The following RASGRP1 variants were observed in gnomAD, a reference collection of about 807,000 sequenced individuals.
RASGRP1 encodes the protein RAS guanyl releasing protein 1, also known as RAS guanyl-releasing protein 1.
RASGRP1 carries 37 observed loss-of-function variants against 95.1 expected under a neutral mutation model. That is an observed-to-expected ratio of 0.39 (90% CI 0.30 to 0.51). The LOEUF (loss-of-function observed/expected upper bound fraction) is 0.51, where lower values mean the gene tolerates loss of function less well. RASGRP1 is among the 20% of genes least tolerant of loss of function. RASGRP1 has a pLI of 0.80. For synonymous variants in RASGRP1, 325 were observed against 353.4 expected, an observed-to-expected ratio of 0.92 and a Z score of 0.90; for missense variants, 711 against 965.4, an observed-to-expected ratio of 0.74 and a Z score of 3.49.
chr15:38,525,204 G>A (rs560149426), intron 3 of RASGRP1, among the ~76,000 whole-genome samples: 2 of 152,234 alleles, frequency 1.3e-5, no homozygotes, highest in African/African-American at 2.4e-5. Flanking sequence ...CTGACCTTAA[G>A]TGATCTGCCC....
In RASGRP1 at chr15:38,507,710, C is replaced by T. The variant is rs1170512921; in HGVS notation, c.1242+16G>A. 4 of 1,552,184 alleles carry T rather than the reference C, an allele frequency of 2.6e-6. No individual in the cohort carries two copies. Among genetic ancestry groups the T allele is most frequent in the Non-Finnish European group, 3.5e-6 (4 of 1,146,948 alleles). On this transcript the variant is annotated intron_variant, in intron 9 of 16. Transcript: ENST00000310803. ...ACAGAAAGTGCTTAGTAATTGTCCT[C>T]CAGTGTGAGCCTCACCGTCAGCAAG...
intron 2 of RASGRP1, among the ~76,000 whole-genome samples, chr15:38,555,915 C>T (rs1046108592): frequency 6.6e-6 from 1 of 152,006 alleles, no homozygotes; most frequent in African/African-American, 2.4e-5. Flanking sequence ...GTTTTCTTTC[C>T]GATGCTGTCA....
At chr15:38,550,403 T>G (rs1249751018) in intron 2 of RASGRP1, among the ~76,000 whole-genome samples, 1 of 152,146 alleles carries the variant, frequency 6.6e-6, no homozygotes, top group African/African-American at 2.4e-5. Flanking sequence ...TAATGGAAGT[T>G]TTGTGTTTCC....
chr15:38,503,128 T>A (rs1205377935), intron 11 of RASGRP1, 144 bp downstream of exon 11: 1 of 673,960 alleles, frequency 1.5e-6, no homozygotes, highest in African/African-American at 1.8e-5. Context: ...TTTGAATTGT[T>A]CTAAAGCCAC....
intron 2 of RASGRP1, among the ~76,000 whole-genome samples, chr15:38,532,608 C>A (rs1162766724): frequency 1.3e-5 from 2 of 152,316 alleles, no homozygotes; most frequent in Non-Finnish European, 2.9e-5. Context: ...GCATTATTCC[C>A]TCCTAAAACC....
chr15:38,499,783 G>C (rs55853053), intron 14 of RASGRP1, among the ~76,000 whole-genome samples: 2 of 152,196 alleles, frequency 1.3e-5, no homozygotes, highest in Non-Finnish European at 2.9e-5. Context: ...GGGACCCAAT[G>C]GGAGGTAAAT....
intron 6 of RASGRP1, 48 bp from the exon 7 acceptor site, chr15:38,513,004 A>G: frequency 7.0e-7 from 1 of 1,420,052 alleles, no homozygotes; most frequent in Non-Finnish European, 9.3e-7. Context: ...TCAGTACTGT[A>G]CTCTGGTATT....
chr15:38,507,713 G>A lies in RASGRP1; in HGVS notation c.1242+13C>T. On this transcript the variant is annotated intron_variant, in intron 9 of 16. Coordinates refer to ENST00000310803, the MANE Select transcript of RASGRP1 (RefSeq NM_005739.4). ...GAAAGTGCTTAGTAATTGTCCTCCA[G>A]TGTGAGCCTCACCGTCAGCAAGTGT... The A allele has an allele frequency of 6.4e-7, 1 of 1,553,784 alleles. No homozygotes were observed. The highest frequency in any genetic ancestry group is 8.7e-7 in the Non-Finnish European group (1 of 1,147,878).
chr15:38,509,399 T>A (rs926357723), intron 8 of RASGRP1, among the ~76,000 whole-genome samples: 6 of 152,118 alleles, frequency 3.9e-5, no homozygotes, highest in Non-Finnish European at 7.4e-5. Flanking sequence ...GGCTTAAGAT[T>A]TCATCATGCT....
intron 2 of RASGRP1, among the ~76,000 whole-genome samples, chr15:38,558,257 C>G (rs571275185): frequency 2.1e-4 from 32 of 152,236 alleles, no homozygotes; most frequent in Admixed American, 3.9e-4. Context: ...AGCCGCGCCT[C>G]CCCGGTCTCC....
intron 5 of RASGRP1, among the ~76,000 whole-genome samples, chr15:38,517,603 C>T (rs1050355734): frequency 1.3e-5 from 2 of 152,112 alleles, no homozygotes; most frequent in African/African-American, 2.4e-5. Context: ...CTCAATTTCC[C>T]AGTCAGAAAA....
chr15:38,490,986 G>A (rs1315167844), intron 16 of RASGRP1, among the ~76,000 whole-genome samples: 3 of 152,124 alleles, frequency 2.0e-5, no homozygotes, highest in African/African-American at 7.2e-5. Context: ...GTTTTCTCGC[G>A]GGAGATCTCA....
chr15:38,493,810 T>C (rs1474637952), intron 16 of RASGRP1, among the ~76,000 whole-genome samples: 1 of 152,246 alleles, frequency 6.6e-6, no homozygotes, highest in Non-Finnish European at 1.5e-5. Flanking sequence ...AGGCGTTTTC[T>C]ATGGTGAGCC....
intron 2 of RASGRP1, 51 bp downstream of exon 2, chr15:38,559,770 G>A (rs867784402): frequency 4.0e-5 from 62 of 1,541,804 alleles, no homozygotes; most frequent in Middle Eastern, 3.4e-4. Flanking sequence ...TTTAAAGGAC[G>A]AACAAAGTAA....
intron 16 of RASGRP1, among the ~76,000 whole-genome samples, chr15:38,492,843 T>G (rs1257283347): frequency 6.6e-6 from 1 of 151,994 alleles, no homozygotes; most frequent in African/African-American, 2.4e-5. Context: ...CTGTTGGCTC[T>G]TTTTCCTTCT....
Position 38,542,882 on chromosome 15 carries a change from T to C in RASGRP1, c.221-16478A>G, listed in dbSNP as rs7178730. On this transcript the variant is annotated intron_variant, in intron 2 of 16. Transcript: ENST00000310803. ...ATATACACATATATGTGTATATATA[T>C]ACACATATATGTGTATATATATACA... Among the ~76,000 whole-genome samples, 98 of 134,606 alleles carry C rather than the reference T, an allele frequency of 7.3e-4. 1 individual carries two copies. Among genetic ancestry groups the C allele is most frequent in the African/African-American group, 2.8e-3 (93 of 32,684 alleles). 88.3% of individuals were successfully genotyped at this position (134,606 alleles called of 152,430 possible).
In RASGRP1 at chr15:38,498,957, G is replaced by A. The variant is rs1409861171; in HGVS notation, c.1721-11C>T. On this transcript the variant is annotated splice_polypyrimidine_tract_variant and intron_variant, in intron 14 of 16. Coordinates refer to ENST00000310803, the MANE Select transcript of RASGRP1 (RefSeq NM_005739.4). ...AGTTCATCCCGCAGTCTGTGGACAA[G>A]ACATCCTGGGTCAAGAAGTCTTTCA... 6.2e-7 allele frequency: 1 copy of A among 1,613,826 alleles called. No individual in the cohort carries two copies. Among genetic ancestry groups the A allele is most frequent in the African/African-American group, 1.3e-5 (1 of 74,926 alleles).
At chr15:38,511,806 C>G in intron 7 of RASGRP1, 86 bp from the exon 8 acceptor site, 1 of 950,580 alleles carries the variant, frequency 1.1e-6, no homozygotes, top group Non-Finnish European at 1.6e-6. Flanking sequence ...GTCTCTGTGC[C>G]GTGAGTCTCC....
chr15:38,542,921 GTA>G (rs1321682868), intron 2 of RASGRP1, among the ~76,000 whole-genome samples: 4 of 135,918 alleles, frequency 2.9e-5, no homozygotes, highest in East Asian at 2.2e-4. Flanking sequence ...ATATATGTGT[GTA>G]TATATATGTG....
Sources: gnomAD v4.1 joint callset for allele counts (sites outside exome capture counted in the v4.1 genomes callset) on GRCh38, gnomAD v4.1.1 for gene constraint, MANE v1.5 for transcripts, NCBI Gene and HGNC (gene_info 2026-07-23, HGNC 2026-07-21) for gene names.